PDGFRL: variants seen among roughly 807,000 people sequenced by gnomAD.
PDGFRL encodes platelet derived growth factor receptor like, also known as platelet-derived growth factor receptor-like protein.
A neutral mutation model predicts 37.2 loss-of-function variants in PDGFRL; 46 were observed. The ratio of observed to expected loss-of-function variants is 1.24; its 90% confidence interval spans 0.98 to 1.58. The LOEUF is 1.58. Among genes scored for constraint, PDGFRL ranks in the 40% most tolerant of loss-of-function variants. PDGFRL has a pLI of 0.00. For synonymous variants in PDGFRL, 251 were observed against 184.3 expected (o/e 1.36, Z -2.93); for missense variants, 692 against 467.6 (o/e 1.48, Z -4.43).
intron 1 of PDGFRL, among the ~76,000 whole-genome samples, chr8:17,584,859 C>G (rs556561511): frequency 2.6e-5 from 4 of 151,994 alleles, no homozygotes; most frequent in African/African-American, 9.7e-5. Context: ...GAAAGCAAAT[C>G]TATTAAGAAA....
intron 2 of PDGFRL, among the ~76,000 whole-genome samples, chr8:17,608,120 G>A (rs1051005701): frequency 6.6e-6 from 1 of 152,158 alleles, no homozygotes; most frequent in African/African-American, 2.4e-5. Context: ...TGCCTCGCTT[G>A]GTGCCTTCCT....
chr8:17,587,275 A>T (rs936166937), intron 1 of PDGFRL, among the ~76,000 whole-genome samples: 3 of 152,196 alleles, frequency 2.0e-5, no homozygotes, highest in African/African-American at 7.2e-5. Flanking sequence ...TTGGATGCAT[A>T]ATCTCCAAAA....
At chr8:17,578,272 T>G (rs141304217) in intron 1 of PDGFRL, among the ~76,000 whole-genome samples, 219 of 152,342 alleles carry the variant, frequency 1.4e-3, no homozygotes, top group African/African-American at 5.0e-3. Flanking sequence ...TGCAACTTCA[T>G]GCTGGAGCCA....
At chr8:17,599,067 G>A (rs570150260) in intron 2 of PDGFRL, among the ~76,000 whole-genome samples, 28 of 152,296 alleles carry the variant, frequency 1.8e-4, no homozygotes, top group African/African-American at 5.1e-4. Context: ...TCATAGAGCC[G>A]TTAGTCCATT....
intron 3 of PDGFRL, among the ~76,000 whole-genome samples, chr8:17,625,313 A>C (rs780856441): frequency 6.6e-5 from 10 of 152,074 alleles, no homozygotes; most frequent in Non-Finnish European, 1.2e-4. Context: ...CACAGTGCCC[A>C]ACGAATCTTT....
intron 2 of PDGFRL, among the ~76,000 whole-genome samples, chr8:17,615,191 C>G (rs542454245): frequency 6.6e-6 from 1 of 152,038 alleles, no homozygotes; most frequent in African/African-American, 2.4e-5. Context: ...TTCTTGTTTC[C>G]TTTAATTAAT....
intron 4 of PDGFRL, 102 bp from the exon 5 acceptor site, chr8:17,633,972 G>A (rs1329076155): frequency 3.3e-6 from 4 of 1,208,050 alleles, no homozygotes; most frequent in Non-Finnish European, 3.7e-6. Context: ...TGTGAGAAAG[G>A]CAGAAAATTC....
At chr8:17,633,000 C>G (rs1804894371) in intron 4 of PDGFRL, among the ~76,000 whole-genome samples, 1 of 152,156 alleles carries the variant, frequency 6.6e-6, no homozygotes, top group African/African-American at 2.4e-5. Flanking sequence ...TAGCTTTTAA[C>G]ACAGCATTTT....
chr8:17,623,265 A>T, intron 3 of PDGFRL, among the ~76,000 whole-genome samples: 1 of 152,194 alleles, frequency 6.6e-6, no homozygotes, highest in East Asian at 1.9e-4. Context: ...TGATAGCCAG[A>T]TTCTAGCTAG....
intron 2 of PDGFRL, among the ~76,000 whole-genome samples, chr8:17,608,860 T>A (rs2720474): frequency 0.99 from 150,149 of 152,226 alleles, 74,085 homozygotes; most frequent in Middle Eastern, 1. Flanking sequence ...GGAATCATTG[T>A]GTAAGTGATG....
intron 5 of PDGFRL, among the ~76,000 whole-genome samples, chr8:17,641,896 T>TCCCCGCCCCGCCCCGCCCCCCCC (rs67098871): frequency 9.6e-6 from 1 of 103,888 alleles, no homozygotes; most frequent in Non-Finnish European, 1.8e-5. Flanking sequence ...TCAATAGAGG[T>TCCCCGCCCCGCCCCGCCCCCCCC]CCCCGCCACA....
chr8:17,604,994 A>G (rs1804243318), intron 2 of PDGFRL, among the ~76,000 whole-genome samples: 1 of 151,900 alleles, frequency 6.6e-6, no homozygotes, highest in African/African-American at 2.4e-5. Context: ...GCGTGTGCCT[A>G]TAGTCGTAGC....
chr8:17,641,901 G>GCCCCCCCCC (rs1554556556), intron 5 of PDGFRL, among the ~76,000 whole-genome samples: 2,380 of 116,114 alleles, frequency 0.02, 110 homozygotes, highest in South Asian at 0.11. Context: ...AGAGGTCCCC[G>GCCCCCCCCC]CCACATTGCT....
chr8:17,638,191 C>T (rs1044405193), intron 5 of PDGFRL, among the ~76,000 whole-genome samples: 2 of 152,106 alleles, frequency 1.3e-5, no homozygotes, highest in Non-Finnish European at 2.9e-5. Context: ...ATGCTATGAA[C>T]TTTCCTCTTA....
chr8:17,584,700 C>G (rs1311512200), intron 1 of PDGFRL, among the ~76,000 whole-genome samples: 3 of 141,384 alleles, frequency 2.1e-5, no homozygotes, highest in African/African-American at 7.8e-5. Flanking sequence ...ATTGAAGGAT[C>G]TAATTCTCAG....
chr8:17,590,424 T>C (rs898911384), intron 2 of PDGFRL, among the ~76,000 whole-genome samples: 2 of 150,356 alleles, frequency 1.3e-5, no homozygotes, highest in African/African-American at 2.4e-5. Flanking sequence ...AAAATTCATA[T>C]TGTGTGGCCA....
rs1805027289 is a variant in PDGFRL at position 17,638,755 on chromosome 8, AT to A, written c.940-3857del. ...ATTAGGTGCATATATATATATATAT[AT>A]ATATATATATATATATATATATATA... On this transcript the variant is annotated intron_variant, in intron 5 of 5. Coordinates refer to ENST00000251630, the MANE Select transcript of PDGFRL (RefSeq NM_001372073.1). Among the ~76,000 whole-genome samples, 6 of 65,436 alleles carry A rather than the reference AT, an allele frequency of 9.2e-5. No homozygotes were observed. In the South Asian group the frequency reaches 1.2e-3, roughly 13 times the overall value. 42.9% of individuals were successfully genotyped at this position (65,436 alleles called of 152,430 possible). A position where few individuals can be genotyped will look rare whatever the true frequency, so the allele number is the denominator to read the frequency against.
chr8:17,640,067 A>G (rs1294311955), intron 5 of PDGFRL, among the ~76,000 whole-genome samples: 2 of 152,258 alleles, frequency 1.3e-5, no homozygotes, highest in South Asian at 2.1e-4. Flanking sequence ...GTTCAGTTCT[A>G]TTGCTAAGAC....
chr8:17,634,340 G>T, intron 5 of PDGFRL, 127 bp downstream of exon 5: 1 of 699,470 alleles, frequency 1.4e-6, no homozygotes, highest in Non-Finnish European at 2.4e-6. Flanking sequence ...AGAAACATGT[G>T]GGGCTATGTT....
Sources: gnomAD v4.1 joint callset for allele counts (sites outside exome capture counted in the v4.1 genomes callset) on GRCh38, gnomAD v4.1.1 for gene constraint, MANE v1.5 for transcripts, NCBI Gene and HGNC (gene_info 2026-07-23, HGNC 2026-07-21) for gene names.